The following SCAPER variants were observed in gnomAD, a reference collection of about 807,000 sequenced individuals.
SCAPER encodes S-phase cyclin A associated protein in the ER.
In SCAPER, 98 loss-of-function variants were observed where a neutral mutation model predicts 182.2. The observed-to-expected ratio is 0.54, with a 90% CI of 0.46 to 0.64. SCAPER has a LOEUF of 0.64. Ranked by LOEUF, SCAPER falls within the 30% of genes least tolerant of loss-of-function variation. The pLI, the probability that SCAPER is intolerant of heterozygous loss-of-function variation, is 0.00. For missense variants in SCAPER, 1,432 were observed against 1,690.0 expected, an observed-to-expected ratio of 0.85 and a Z score of 2.68; for synonymous variants, 605 against 564.6, an observed-to-expected ratio of 1.07 and a Z score of -1.01.
intron 20 of SCAPER, among the ~76,000 whole-genome samples, chr15:76,667,716 G>A (rs2056715018): frequency 6.9e-6 from 1 of 145,696 alleles, no homozygotes; most frequent in African/African-American, 2.5e-5. Flanking sequence ...ACTTTGGGAA[G>A]CCAAGGTGGG....
intron 20 of SCAPER, among the ~76,000 whole-genome samples, chr15:76,679,324 G>T (rs1261126692): frequency 1.3e-5 from 2 of 150,300 alleles, no homozygotes; most frequent in Admixed American, 1.3e-4. Context: ...AAAAATAAAA[G>T]AAAAAGACTG....
At chr15:76,625,689 G>T (rs1350361772) in intron 21 of SCAPER, among the ~76,000 whole-genome samples, 1 of 152,086 alleles carries the variant, frequency 6.6e-6, no homozygotes, top group Non-Finnish European at 1.5e-5. Context: ...CTCCCTCTCT[G>T]GAACAATACC....
chr15:76,883,783 C>T (rs1478847298), intron 2 of SCAPER, 29 bp downstream of exon 2: 2 of 1,488,168 alleles, frequency 1.3e-6, no homozygotes, highest in Admixed American at 2.5e-5. Flanking sequence ...GGCAAAAAAA[C>T]TAAGGCTAGT....
intron 20 of SCAPER, among the ~76,000 whole-genome samples, chr15:76,696,633 C>T (rs1485926391): frequency 6.6e-6 from 1 of 152,074 alleles, no homozygotes; most frequent in Non-Finnish European, 1.5e-5. Context: ...TACATGCTTG[C>T]TACTTCAAGC....
intron 20 of SCAPER, among the ~76,000 whole-genome samples, chr15:76,697,001 T>C (rs756010243): frequency 3.9e-5 from 6 of 152,154 alleles, no homozygotes; most frequent in Non-Finnish European, 5.9e-5. Context: ...TAAAACAAAA[T>C]GTGTCAAAGA....
intron 22 of SCAPER, among the ~76,000 whole-genome samples, chr15:76,605,786 T>G (rs2050335494): frequency 6.6e-6 from 1 of 152,238 alleles, no homozygotes; most frequent in Non-Finnish European, 1.5e-5. Flanking sequence ...ATCCATTTCT[T>G]CTAGATTTTC....
chr15:76,725,511 A>T (rs1803503348), intron 17 of SCAPER, among the ~76,000 whole-genome samples: 2 of 152,122 alleles, frequency 1.3e-5, no homozygotes, highest in Admixed American at 1.3e-4. Context: ...AAATTAAAAA[A>T]TGCACATGAA....
chr15:76,557,823 T>C (rs1333723313), intron 23 of SCAPER, among the ~76,000 whole-genome samples: 3 of 152,140 alleles, frequency 2.0e-5, no homozygotes, highest in Non-Finnish European at 4.4e-5. Flanking sequence ...TGGAATAGAA[T>C]AGACAGCCCA....
chr15:76,527,249 T>C (rs1054280759), intron 23 of SCAPER, among the ~76,000 whole-genome samples: 1 of 152,256 alleles, frequency 6.6e-6, no homozygotes, highest in Non-Finnish European at 1.5e-5. Context: ...TTGAAAGTTA[T>C]GTCATGGCTT....
intron 10 of SCAPER, among the ~76,000 whole-genome samples, 172 bp downstream of exon 10, chr15:76,771,570 G>A (rs1027480545): frequency 5.9e-5 from 9 of 151,860 alleles, no homozygotes; most frequent in Non-Finnish European, 1.0e-4. Context: ...TAAAAAATAA[G>A]AATCTTAACT....
chr15:76,881,222 T>C (rs1267577283), intron 2 of SCAPER, among the ~76,000 whole-genome samples: 1 of 152,166 alleles, frequency 6.6e-6, no homozygotes, highest in Non-Finnish European at 1.5e-5. Flanking sequence ...CAGCCTCTCA[T>C]GTAGCTGGGA....
At chr15:76,819,336 C>T (rs979244523) in intron 5 of SCAPER, among the ~76,000 whole-genome samples, 3 of 152,218 alleles carry the variant, frequency 2.0e-5, no homozygotes, top group African/African-American at 7.2e-5. Context: ...AGCCACCCCC[C>T]AGTAGGGGCA....
chr15:76,368,812 G>A (rs1307137314), intron 29 of SCAPER, among the ~76,000 whole-genome samples: 1 of 152,166 alleles, frequency 6.6e-6, no homozygotes, highest in East Asian at 1.9e-4. Context: ...TATGCAGGCA[G>A]TCAAATCATC....
chr15:76,587,356 T>C (rs1359608639), intron 22 of SCAPER, among the ~76,000 whole-genome samples: 2 of 152,192 alleles, frequency 1.3e-5, no homozygotes, highest in Non-Finnish European at 2.9e-5. Context: ...TTCTTGTTTC[T>C]CTAGTTCATT....
rs540747704 is a variant in SCAPER, at chr15:76,630,739, T to A, written c.2646-8910A>T. 3.1e-3 allele frequency among the ~76,000 whole-genome samples: 471 copies of A among 152,290 alleles called. 5 individuals carry two copies. Among genetic ancestry groups the A allele is most frequent in the African/African-American group, 0.011 (451 of 41,566 alleles). On this transcript the variant is annotated intron_variant, in intron 21 of 31. Coordinates refer to ENST00000563290, the MANE Select transcript of SCAPER (RefSeq NM_020843.4). ...ATTATGTGATCAATTTTAGAGTAAG[T>A]GCAATGAAGCACCAAGAAGAATGTA...
At chr15:76,549,280 T>C (rs1362842925) in intron 23 of SCAPER, among the ~76,000 whole-genome samples, 2 of 152,164 alleles carry the variant, frequency 1.3e-5, no homozygotes, top group East Asian at 3.8e-4. Context: ...GGATTATAAA[T>C]CATGCTGCTA....
At chr15:76,501,686 T>C (rs1054174298) in intron 24 of SCAPER, among the ~76,000 whole-genome samples, 7 of 152,148 alleles carry the variant, frequency 4.6e-5, no homozygotes, top group Non-Finnish European at 8.8e-5. Context: ...AGCCATGAAA[T>C]GCCACAGGAG....
intron 8 of SCAPER, among the ~76,000 whole-genome samples, chr15:76,790,772 AT>A (rs1337974775): frequency 1.3e-5 from 2 of 152,180 alleles, no homozygotes; most frequent in African/African-American, 4.8e-5. Flanking sequence ...CTACTGGTCT[AT>A]TTAAAAGAAC....
intron 21 of SCAPER, among the ~76,000 whole-genome samples, chr15:76,649,449 C>CA (rs369479682): frequency 5.8e-4 from 85 of 147,526 alleles, no homozygotes; most frequent in Admixed American, 2.2e-3. Context: ...CCACCACCCC[C>CA]AAAAAAAAAC....
Sources: allele counts gnomAD v4.1 joint callset (sites outside exome capture counted in the v4.1 genomes callset), GRCh38; gene constraint gnomAD v4.1.1; transcripts MANE v1.5; gene names NCBI Gene and HGNC (gene_info 2026-07-23, HGNC 2026-07-21).